The following DTNB variants were observed in gnomAD, a reference collection of about 807,000 sequenced individuals.
DTNB encodes the protein DTN-B.
Under a neutral mutation model 90.7 loss-of-function variants are expected in DTNB, and 63 were observed. The observed-to-expected ratio is 0.69, with a 90% CI of 0.57 to 0.86. DTNB has a LOEUF of 0.86. Among genes scored for constraint, DTNB ranks in the 40% least tolerant of loss-of-function variants. The pLI, the probability that DTNB is intolerant of heterozygous loss-of-function variation, is 0.00. For missense variants in DTNB, 744 were observed against 807.1 expected, an observed-to-expected ratio of 0.92 and a Z score of 0.95; for synonymous variants, 277 against 286.7, an observed-to-expected ratio of 0.97 and a Z score of 0.34.
At chr2:25,659,004 C>T (rs7420975) in intron 1 of DTNB, among the ~76,000 whole-genome samples, 6,548 of 152,010 alleles carry the variant, frequency 0.043, 372 homozygotes, top group African/African-American at 0.13. Flanking sequence ...CTCAAGCAAT[C>T]GTCCCACCCC....
intron 3 of DTNB, among the ~76,000 whole-genome samples, chr2:25,631,235 G>A (rs2075675353): frequency 6.6e-6 from 1 of 152,088 alleles, no homozygotes; most frequent in African/African-American, 2.4e-5. Context: ...TTTTAATGGT[G>A]GGACAAAACA....
Position 25,414,889 on chromosome 2 carries a change from C to A in DTNB, c.1575+4626G>T, listed in dbSNP as rs1456604299. The stretch of plus-strand genomic sequence containing the variant: ...GCGCTCAACTGATGCGACCTAATTC[C>A]TGAGCCTGTTAAACTGCAGGGTAAA... On this transcript the variant is annotated intron_variant, in intron 16 of 20. Transcript: ENST00000406818. 3.3e-5 allele frequency among the ~76,000 whole-genome samples: 5 copies of A among 152,102 alleles called. 1 individual carries two copies. Among genetic ancestry groups the A allele is most frequent in the Admixed American group, 6.5e-5 (1 of 15,268 alleles).
At chr2:25,408,660 T>C (rs1018652303) in intron 16 of DTNB, among the ~76,000 whole-genome samples, 1 of 151,676 alleles carries the variant, frequency 6.6e-6, no homozygotes, top group African/African-American at 2.4e-5. Flanking sequence ...ATATTGCAGC[T>C]CCAAATGCAT....
chr2:25,584,238 G>T (rs1351949529), intron 6 of DTNB, among the ~76,000 whole-genome samples: 1 of 152,112 alleles, frequency 6.6e-6, no homozygotes, highest in Non-Finnish European at 1.5e-5. Context: ...CAGAGACAAT[G>T]TGACGAAGCC....
intron 12 of DTNB, among the ~76,000 whole-genome samples, chr2:25,437,470 T>G (rs549241549): frequency 6.6e-6 from 1 of 152,160 alleles, no homozygotes; most frequent in African/African-American, 2.4e-5. Context: ...CCATGTTGGC[T>G]AGGCTGGTCT....
At chr2:25,413,764 G>A (rs994017262) in intron 16 of DTNB, among the ~76,000 whole-genome samples, 1 of 152,184 alleles carries the variant, frequency 6.6e-6, no homozygotes, top group African/African-American at 2.4e-5. Flanking sequence ...CTTTATAGCA[G>A]CATGATTTAT....
chr2:25,585,390 C>T (rs2062199763), intron 6 of DTNB, among the ~76,000 whole-genome samples: 1 of 152,160 alleles, frequency 6.6e-6, no homozygotes. Flanking sequence ...ACTGAGACTG[C>T]TTTTATCACT....
chr2:25,633,840 G>A (rs2076363859), intron 3 of DTNB, among the ~76,000 whole-genome samples: 2 of 150,622 alleles, frequency 1.3e-5, no homozygotes, highest in Non-Finnish European at 3.0e-5. Context: ...TCTGGGATGT[G>A]AGGAGCGCCT....
intron 15 of DTNB, among the ~76,000 whole-genome samples, 200 bp from the exon 16 acceptor site, chr2:25,419,735 G>A (rs552807442): frequency 2.0e-5 from 3 of 152,108 alleles, no homozygotes; most frequent in South Asian, 2.1e-4. Context: ...CCTCGGCCCG[G>A]TGAGTGATTC....
intron 8 of DTNB, among the ~76,000 whole-genome samples, chr2:25,550,115 G>A (rs776900895): frequency 6.6e-6 from 1 of 152,128 alleles, no homozygotes; most frequent in African/African-American, 2.4e-5. Context: ...TTGTTGGCCG[G>A]GCGCGGTGGC....
chr2:25,624,223 A>G (rs958189664), intron 4 of DTNB, among the ~76,000 whole-genome samples: 2 of 152,156 alleles, frequency 1.3e-5, no homozygotes, highest in African/African-American at 4.8e-5. Flanking sequence ...AGATCAAACC[A>G]ATGTAAATCT....
chr2:25,521,668 G>C (rs1193741595), intron 9 of DTNB, among the ~76,000 whole-genome samples: 2 of 152,118 alleles, frequency 1.3e-5, no homozygotes, highest in Non-Finnish European at 2.9e-5. Flanking sequence ...AATGCTGGGT[G>C]AGCCACTGAG....
intron 16 of DTNB, among the ~76,000 whole-genome samples, chr2:25,398,205 C>T (rs1444815680): frequency 6.6e-6 from 1 of 152,240 alleles, no homozygotes; most frequent in African/African-American, 2.4e-5. Flanking sequence ...AACCTCCTGC[C>T]CACCATCAGC....
chr2:25,451,700 G>GA (rs1232253111), intron 11 of DTNB, 65 bp from the exon 12 acceptor site: 1 of 1,393,286 alleles, frequency 7.2e-7, no homozygotes, highest in Non-Finnish European at 9.6e-7. Context: ...TCCATTCTCA[G>GA]AAAGAACAGA....
rs1291885092 is a variant in DTNB, at chr2:25,673,514, C to G, written c.-130G>C. 6 of 150,388 alleles carry G rather than the reference C, an allele frequency of 4.0e-5. No homozygotes were observed. The allele number at this position is 150,388 out of a possible 1,614,324, so 9.3% of individuals were successfully genotyped here. ...GCCTACTCAGGCCCCGGAGCCACCC[C>G]CGCGGCGAACGTTCGCAGCGCCCGG... On this transcript the variant is annotated 5_prime_UTR_variant, in exon 1 of 21. Coordinates refer to ENST00000406818, the MANE Select transcript of DTNB (RefSeq NM_021907.5).
chr2:25,536,309 G>A (rs906822890), intron 8 of DTNB, among the ~76,000 whole-genome samples: 7 of 152,190 alleles, frequency 4.6e-5, no homozygotes, highest in African/African-American at 9.6e-5. Flanking sequence ...GGTGGCGGGC[G>A]GGCAGAGGCT....
chr2:25,412,450 A>T (rs1444916755), intron 16 of DTNB, among the ~76,000 whole-genome samples: 2 of 152,220 alleles, frequency 1.3e-5, no homozygotes, highest in African/African-American at 2.4e-5. Flanking sequence ...CAGGTATATT[A>T]TCCTTTGGCC....
intron 6 of DTNB, among the ~76,000 whole-genome samples, chr2:25,585,534 TTTTTAAAAGGGGAGAGGAG>T (rs2062225980): frequency 2.0e-5 from 3 of 152,192 alleles, no homozygotes; most frequent in Admixed American, 1.3e-4. Flanking sequence ...CCTCTTCCCA[TTTTTAAAAGGGGAGAGGAG>T]TAACCCCTTA....
chr2:25,446,326 T>TTC (rs934807682), intron 12 of DTNB, among the ~76,000 whole-genome samples: 2 of 152,212 alleles, frequency 1.3e-5, no homozygotes, highest in African/African-American at 4.8e-5. Context: ...AACCTTGAAC[T>TTC]TCTGGGCTCA....
Sources: gnomAD v4.1 joint callset for allele counts (sites outside exome capture counted in the v4.1 genomes callset) on GRCh38, gnomAD v4.1.1 for gene constraint, MANE v1.5 for transcripts, NCBI Gene and HGNC (gene_info 2026-07-23, HGNC 2026-07-21) for gene names.